Variants in GALNT5 observed in about 807,000 individuals in gnomAD.
GALNT5 encodes UDP-GalNAc:polypeptide N-acetylgalactosaminyltransferase 5.
A neutral mutation model predicts 85.4 loss-of-function variants in GALNT5; 72 were observed. The observed-to-expected ratio is 0.84, with a 90% CI of 0.70 to 1.03. The LOEUF (loss-of-function observed/expected upper bound fraction) is 1.03. GALNT5 is among the 50% of genes least tolerant of loss of function. The pLI is 0.00. For synonymous variants in GALNT5, 404 were observed against 397.0 expected (o/e 1.02, Z -0.21); for missense variants, 1,137 against 1,135.5 (o/e 1.00, Z -0.02).
intron 3 of GALNT5, among the ~76,000 whole-genome samples, chr2:157,294,321 G>A (rs1558900102): frequency 6.6e-6 from 1 of 152,144 alleles, no homozygotes; most frequent in Non-Finnish European, 1.5e-5. Context: ...GCAGACAAGA[G>A]GGGCATCTCA....
chr2:157,262,207 T>TAAAAAAA (rs535714685), intron 1 of GALNT5, among the ~76,000 whole-genome samples: 2 of 97,840 alleles, frequency 2.0e-5, no homozygotes, highest in African/African-American at 3.4e-5. Context: ...CCAAAAAATG[T>TAAAAAAA]AAAAAAAAAA....
intron 1 of GALNT5, among the ~76,000 whole-genome samples, chr2:157,269,283 T>C (rs1558890905): frequency 6.6e-6 from 1 of 152,208 alleles, no homozygotes; most frequent in South Asian, 2.1e-4. Flanking sequence ...TGTTTAGTAA[T>C]GCAGGAGAAC....
rs564881298 is a variant in GALNT5 at position 157,262,097 on chromosome 2, A to G, written c.1454+2561A>G. Among the ~76,000 whole-genome samples, 66 of 151,924 alleles carry G rather than the reference A, an allele frequency of 4.3e-4. 1 individual carries two copies. Among genetic ancestry groups the G allele is most frequent in the Non-Finnish European group, 8.2e-4 (56 of 68,002 alleles). On this transcript the variant is annotated intron_variant, in intron 1 of 9. Transcript: ENST00000259056. ...CTTTAAATTTTAAGAGTTTTGGAGA[A>G]TATCTTCCTTTTTGGCCTATTCATT...
intron 1 of GALNT5, among the ~76,000 whole-genome samples, chr2:157,275,740 T>G (rs935746609): frequency 1.3e-5 from 2 of 152,092 alleles, no homozygotes; most frequent in African/African-American, 4.8e-5. Context: ...AACAATGGAG[T>G]TTTTTAAATA....
chr2:157,284,567 T>C (rs2289941), intron 2 of GALNT5, 119 bp downstream of exon 2: 147,994 of 739,450 alleles, frequency 0.2, 16,827 homozygotes, highest in East Asian at 0.47. Flanking sequence ...ATCGTACAAA[T>C]GCTTTGTTTT....
chr2:157,267,922 T>C (rs1220269039), intron 1 of GALNT5, among the ~76,000 whole-genome samples: 1 of 152,050 alleles, frequency 6.6e-6, no homozygotes, highest in East Asian at 1.9e-4. Context: ...TTCTTATCAG[T>C]GAGAGGGAAA....
intron 1 of GALNT5, among the ~76,000 whole-genome samples, chr2:157,277,267 G>T (rs929567788): frequency 6.6e-6 from 1 of 152,186 alleles, no homozygotes; most frequent in Non-Finnish European, 1.5e-5. Context: ...TAGAATAAGT[G>T]CGATGTGGTG....
chr2:157,259,088 A>G lies in GALNT5; in HGVS notation c.1006A>G (p.Lys336Glu). The change falls in exon 1 of 10, where the codon AAA becomes GAA. Residue 336 changes from lysine to glutamate, a missense_variant. Coordinates refer to ENST00000259056, the MANE Select transcript of GALNT5 (RefSeq NM_014568.3). ...AGAGGAAGAGCAAAAGGCAGACCCCAAAGAGGTCTCTAATTCTAAAACCAA... is the reference window on the plus strand; with the variant it reads ...AGAGGAAGAGCAAAAGGCAGACCCCGAAGAGGTCTCTAATTCTAAAACCAA... ...TKEEEQKADPKEVSNSKTKTI... is the reference protein window; with the variant it reads ...TKEEEQKADPEEVSNSKTKTI... 2 of 1,484,286 alleles carry G rather than the reference A, an allele frequency of 1.3e-6. No homozygotes were observed. Among genetic ancestry groups the G allele is most frequent in the South Asian group, 1.5e-5 (1 of 65,228 alleles). The allele number at this position is 1,484,286 out of a possible 1,614,324, so 91.9% of individuals were successfully genotyped here.
intron 1 of GALNT5, among the ~76,000 whole-genome samples, chr2:157,266,763 G>A (rs1355224572): frequency 2.6e-5 from 4 of 152,186 alleles, no homozygotes; most frequent in Non-Finnish European, 5.9e-5. Flanking sequence ...TAATTCTAGT[G>A]TTCTTTCCAC....
At chr2:157,286,172 AT>A (rs765793956) in intron 3 of GALNT5, 38 bp downstream of exon 3, 4 of 1,560,708 alleles carry the variant, frequency 2.6e-6, no homozygotes, top group Non-Finnish European at 3.5e-6. Context: ...TTACATTTTT[AT>A]TTTAATTTAA....
At position 157,313,397 on chromosome 2, in the gene GALNT5, T is replaced by G. The variant is rs1242133611; in HGVS notation, c.*2049T>G. 2 of 152,172 alleles carry G rather than the reference T, an allele frequency of 1.3e-5. No homozygotes were observed. The highest frequency in any genetic ancestry group is 2.9e-5 in the Non-Finnish European group (2 of 68,044). The allele number at this position is 152,172 out of a possible 1,614,324, so 9.4% of individuals were successfully genotyped here. A position where few individuals can be genotyped will look rare whatever the true frequency, so the allele number is the denominator to read the frequency against. On this transcript the variant is annotated 3_prime_UTR_variant, in exon 10 of 10. Transcript: ENST00000259056. ...TCTGATATTCACACAATGATGAAAT[T>G]GCCTAATGACACATTTCTCAGAATG...
At chr2:157,283,150 C>T (rs941060268) in intron 1 of GALNT5, among the ~76,000 whole-genome samples, 9 of 152,154 alleles carry the variant, frequency 5.9e-5, no homozygotes, top group Non-Finnish European at 1.2e-4. Context: ...CATTTACTAA[C>T]TGCAGAATCA....
intron 1 of GALNT5, among the ~76,000 whole-genome samples, chr2:157,275,478 G>A (rs555944335): frequency 3.3e-5 from 5 of 152,110 alleles, no homozygotes; most frequent in East Asian, 1.9e-4. Context: ...AATATTCTTC[G>A]ATTTGTTTGT....
chr2:157,277,805 C>A (rs1223537624), intron 1 of GALNT5, among the ~76,000 whole-genome samples: 4 of 152,190 alleles, frequency 2.6e-5, no homozygotes, highest in Non-Finnish European at 5.9e-5. Context: ...TTAATTAGGG[C>A]ATTTAGCCCA....
chr2:157,308,805 A>G (rs1574037494), intron 9 of GALNT5, 77 bp downstream of exon 9: 1 of 1,155,316 alleles, frequency 8.7e-7, no homozygotes, highest in East Asian at 2.4e-5. Flanking sequence ...TCTCATTGTC[A>G]CCTTCCTCAG....
At chr2:157,280,158 A>G (rs545200531) in intron 1 of GALNT5, among the ~76,000 whole-genome samples, 1 of 152,310 alleles carries the variant, frequency 6.6e-6, no homozygotes, top group Non-Finnish European at 1.5e-5. Context: ...TTCTCCAAAA[A>G]TATATTTACT....
chr2:157,267,295 A>G (rs1325534140), intron 1 of GALNT5, among the ~76,000 whole-genome samples: 1 of 152,224 alleles, frequency 6.6e-6, no homozygotes, highest in Non-Finnish European at 1.5e-5. Context: ...AGTAGAGTCC[A>G]GATCACTCAG....
In GALNT5 at chr2:157,312,624, G is replaced by A. The variant is rs1371634358; in HGVS notation, c.*1276G>A. 1 of 152,144 alleles carries A rather than the reference G, an allele frequency of 6.6e-6. No homozygotes were observed. Among genetic ancestry groups the A allele is most frequent in the Non-Finnish European group, 1.5e-5 (1 of 68,006 alleles). The allele number at this position is 152,144 out of a possible 1,614,324, so 9.4% of individuals were successfully genotyped here. ...AGAAGACACCTTAGAAATCAGGATAGCCTTTGCATTCATTTTGGTAAGAAA... is the reference window on the plus strand; with the variant it reads ...AGAAGACACCTTAGAAATCAGGATAACCTTTGCATTCATTTTGGTAAGAAA... On this transcript the variant is annotated 3_prime_UTR_variant, in exon 10 of 10. Coordinates refer to ENST00000259056, the MANE Select transcript of GALNT5 (RefSeq NM_014568.3).
At chr2:157,296,921 C>A (rs1251220059) in intron 5 of GALNT5, among the ~76,000 whole-genome samples, 1 of 152,102 alleles carries the variant, frequency 6.6e-6, no homozygotes, top group Non-Finnish European at 1.5e-5. Context: ...TCTTTTACAG[C>A]CTAATCCTAC....
Sources: allele counts gnomAD v4.1 joint callset (sites outside exome capture counted in the v4.1 genomes callset), GRCh38; gene constraint gnomAD v4.1.1; transcripts MANE v1.5; gene names NCBI Gene and HGNC (gene_info 2026-07-23, HGNC 2026-07-21).